The following USH1C variants were observed in gnomAD, a reference collection of about 807,000 sequenced individuals.
USH1C encodes harmonin.
Under a neutral mutation model 119.3 loss-of-function variants are expected in USH1C, and 90 were observed. The observed-to-expected ratio is 0.75, with a 90% CI of 0.64 to 0.90. The LOEUF is 0.90. USH1C is among the 40% of genes least tolerant of loss of function. The pLI, the probability that USH1C is intolerant of heterozygous loss-of-function variation, is 0.00. For synonymous variants in USH1C, 465 were observed against 443.3 expected (o/e 1.05, Z -0.62); for missense variants, 1,165 against 1,167.7 (o/e 1.00, Z 0.03).
intron 7 of USH1C, 113 bp downstream of exon 7, chr11:17,526,640 C>T (rs952540396): frequency 7.7e-7 from 1 of 1,298,506 alleles, no homozygotes; most frequent in South Asian, 1.3e-5. Context: ...CCCTGGGAGC[C>T]TGTGTGAAGC....
At chr11:17,496,734 G>A (rs1219027916) in intron 25 of USH1C, 24 bp downstream of exon 25, 16 of 1,614,118 alleles carry the variant, frequency 9.9e-6, no homozygotes, top group Non-Finnish European at 1.4e-5. Flanking sequence ...AGAGGTCTCA[G>A]GCTAGGTGCT....
At chr11:17,506,200 C>T (rs538467889) in intron 18 of USH1C, among the ~76,000 whole-genome samples, 1 of 152,300 alleles carries the variant, frequency 6.6e-6, no homozygotes, top group Non-Finnish European at 1.5e-5. Context: ...TAGAGCCTGG[C>T]TTGGGGGTGC....
intron 26 of USH1C, 94 bp downstream of exon 26, chr11:17,495,475 G>C (rs1849211279): frequency 7.7e-7 from 1 of 1,304,924 alleles, no homozygotes; most frequent in Non-Finnish European, 1.1e-6. Flanking sequence ...CCCTCCAGAC[G>C]CCAGTCCAAA....
chr11:17,497,738 C>T (rs904734495), intron 24 of USH1C, among the ~76,000 whole-genome samples: 3 of 152,212 alleles, frequency 2.0e-5, no homozygotes, highest in Admixed American at 1.3e-4. Context: ...ATGCAGTGGC[C>T]GTGATCCAGG....
chr11:17,533,159 C>T (rs1851062520), intron 2 of USH1C, 96 bp downstream of exon 2: 2 of 894,758 alleles, frequency 2.2e-6, no homozygotes, highest in African/African-American at 1.6e-5. Context: ...GAGCATCCAC[C>T]CTCTGAGCTC....
At chr11:17,543,098 G>A (rs1428762570) in intron 1 of USH1C, among the ~76,000 whole-genome samples, 1 of 152,220 alleles carries the variant, frequency 6.6e-6, no homozygotes, top group Non-Finnish European at 1.5e-5. Flanking sequence ...CACAGACTGG[G>A]TATGGCTGAG....
chr11:17,495,640 G>GGGCT lies in USH1C; in HGVS notation c.2583_2584insAGCC (p.Pro862SerfsTer8). ...CGGTCTTCAAGGAGCTTTCGGACCG[G>GGGCT]TTGGGGGCTTTCAGCTACGGAGGAG... is the stretch of plus-strand genomic sequence containing the variant. On this transcript the variant is annotated frameshift_variant, in exon 26 of 27. Coordinates refer to ENST00000005226, the MANE Select transcript of USH1C (RefSeq NM_153676.4). LOFTEE classifies it high-confidence loss of function. 1 of 1,614,252 alleles carries GGGCT rather than the reference G, an allele frequency of 6.2e-7. No individual in the cohort carries two copies. Among genetic ancestry groups the GGGCT allele is most frequent in the Non-Finnish European group, 8.5e-7 (1 of 1,180,048 alleles).
chr11:17,524,578 A>G, intron 8 of USH1C, 43 bp from the exon 9 acceptor site: 1 of 1,548,920 alleles, frequency 6.5e-7, no homozygotes, highest in Non-Finnish European at 8.7e-7. Flanking sequence ...CAGGTAACCC[A>G]TGTCCAGTGC....
At chr11:17,543,424 C>G (rs544288611) in intron 1 of USH1C, among the ~76,000 whole-genome samples, 1 of 149,648 alleles carries the variant, frequency 6.7e-6, no homozygotes, top group African/African-American at 2.5e-5. Flanking sequence ...CCACCCCCCC[C>G]AAGCGGCTTC....
chr11:17,516,213 A>C, intron 15 of USH1C, 28 bp downstream of exon 15: 1 of 1,613,386 alleles, frequency 6.2e-7, no homozygotes, highest in Non-Finnish European at 8.5e-7. Context: ...TAAGCAGCAC[A>C]CCAGCACAGC....
chr11:17,533,017 C>G (rs146489534), intron 2 of USH1C, among the ~76,000 whole-genome samples: 19 of 152,308 alleles, frequency 1.2e-4, no homozygotes, highest in African/African-American at 4.1e-4. Flanking sequence ...CTGTGAGCAA[C>G]CTGAAAACAG....
At chr11:17,517,716 A>G in intron 14 of USH1C, among the ~76,000 whole-genome samples, 1 of 152,226 alleles carries the variant, frequency 6.6e-6, no homozygotes, top group Non-Finnish European at 1.5e-5. Flanking sequence ...GGCTAACAAC[A>G]GGAAACTCAG....
rs1477626816 is a variant in USH1C at position 17,501,506 on chromosome 11, A to T, written c.2256T>A (p.Asp752Glu). 5 of 1,613,090 alleles carry T rather than the reference A, an allele frequency of 3.1e-6. No individual in the cohort carries two copies. The Admixed American group carries it at 6.7e-5, about 22-fold the overall frequency. Reference sequence around the variant, plus strand: ...CCTTCTTGATGCGTAGGAGCCGGACATCCTTCCCCATGATCTGCTCTGGGG... The same window carrying T: ...CCTTCTTGATGCGTAGGAGCCGGACTTCCTTCCCCATGATCTGCTCTGGGG... ...MFTPEQIMGK[D>E]VRLLRIKKEG... Residue 752 changes from aspartate to glutamate, a missense_variant, in exon 22 of 27, where the codon GAT (aspartate) becomes GAA (glutamate). Transcript: ENST00000005226.
chr11:17,505,887 G>A lies in USH1C; in HGVS notation c.2076C>T (p.Val692=). Reference sequence around the variant, plus strand: ...TGAAATTGGGCTCCTGGTGGACCATGACAGGTTTGGAGATGGTGGACACGC... The same window carrying A: ...TGAAATTGGGCTCCTGGTGGACCATAACAGGTTTGGAGATGGTGGACACGC... ...GPGVSTISKP[V]MVHQEPNFIY... Residue 692 remains valine (V), a synonymous_variant, in exon 19 of 27, where the codon GTC becomes GTT. Coordinates refer to ENST00000005226, the MANE Select transcript of USH1C (RefSeq NM_153676.4). The A allele has an allele frequency of 6.2e-7, 1 of 1,614,214 alleles. No homozygotes were observed. Among genetic ancestry groups the A allele is most frequent in the Non-Finnish European group, 8.5e-7 (1 of 1,180,038 alleles).
intron 12 of USH1C, 44 bp downstream of exon 12, chr11:17,522,739 TG>T: frequency 6.2e-7 from 1 of 1,609,440 alleles, no homozygotes. Context: ...GGTCGTGTGG[TG>T]GGGTGGGAGG....
chr11:17,526,540 G>T, intron 7 of USH1C, 99 bp from the exon 8 acceptor site: 7 of 1,195,212 alleles, frequency 5.9e-6, no homozygotes, highest in Non-Finnish European at 8.5e-6. Flanking sequence ...CTGAACTCAC[G>T]CCAGCCAGAT....
chr11:17,532,301 T>C (rs1851024531), intron 2 of USH1C, among the ~76,000 whole-genome samples: 1 of 152,190 alleles, frequency 6.6e-6, no homozygotes, highest in African/African-American at 2.4e-5. Flanking sequence ...CTTTTTCTTT[T>C]ATTATTATTT....
chr11:17,531,130 C>G lies in USH1C; in HGVS notation c.387+24G>C. ...AGGAGGTCCGAGGCCCTCGCTCCCC[C>G]TCCCCCGGACTCTGTTTGCTCACCT... is the stretch of plus-strand genomic sequence containing the variant. On this transcript the variant is annotated intron_variant, in intron 4 of 26. Coordinates refer to ENST00000005226, the MANE Select transcript of USH1C (RefSeq NM_153676.4). This position sits in a 1 kb window ranked among gnomAD's most constrained non-coding sequence, Gnocchi z 4.2. 1 of 1,613,824 alleles carries G rather than the reference C, an allele frequency of 6.2e-7. No individual in the cohort carries two copies. Among genetic ancestry groups the G allele is most frequent in the Middle Eastern group, 1.7e-4 (1 of 5,990 alleles).
chr11:17,503,686 C>G (rs1158028664), intron 20 of USH1C, among the ~76,000 whole-genome samples: 1 of 152,230 alleles, frequency 6.6e-6, no homozygotes, highest in Non-Finnish European at 1.5e-5. Context: ...TGTTTAAGAG[C>G]ACAGGCTGCA....
Sources: allele counts gnomAD v4.1 joint callset (sites outside exome capture counted in the v4.1 genomes callset), GRCh38; gene constraint gnomAD v4.1.1; non-coding constraint Gnocchi (gnomAD v3.1); transcripts MANE v1.5; gene names NCBI Gene and HGNC (gene_info 2026-07-23, HGNC 2026-07-21).